The following PAX6 variants were observed in gnomAD, a reference collection of about 807,000 sequenced individuals.
PAX6 encodes paired box 6.
Under a neutral mutation model 60.7 loss-of-function variants are expected in PAX6, and 7 were observed. That is an observed-to-expected ratio of 0.12 (90% CI 0.07 to 0.22). The LOEUF is 0.22. Among genes scored for constraint, PAX6 ranks in the 10% least tolerant of loss-of-function variants. PAX6 has a pLI of 1.00. For missense variants in PAX6, 355 were observed against 555.2 expected (o/e 0.64, Z 3.62); for synonymous variants, 208 against 201.2 (o/e 1.03, Z -0.29).
At chr11:31,811,813 C>G (rs1414290341), upstream of PAX6, 1 of 152,598 alleles carries the variant, frequency 6.6e-6, no homozygotes, top group Non-Finnish European at 1.5e-5. Context: ...CCCACCTGGC[C>G]CCTTGGAAGA....
At chr11:31,813,888 C>A (rs1461702933), upstream of PAX6, among the ~76,000 whole-genome samples, 1 of 152,154 alleles carries the variant, frequency 6.6e-6, no homozygotes, top group Non-Finnish European at 1.5e-5. Flanking sequence ...GGGAGCCTCA[C>A]TCCCTCTGCC....
chr11:31,809,123 G>T (rs771321366), intron 2 of PAX6, among the ~76,000 whole-genome samples: 25 of 152,134 alleles, frequency 1.6e-4, no homozygotes, highest in Non-Finnish European at 2.6e-4. Context: ...AAAGGGGAGA[G>T]CTCTCGGTCC....
upstream of PAX6, among the ~76,000 whole-genome samples, chr11:31,813,297 TTC>T (rs1391174921): frequency 1.3e-4 from 19 of 149,382 alleles, no homozygotes; most frequent in African/African-American, 4.7e-4. Context: ...GGCTTTCTCT[TTC>T]TCTCTCCTTT....
intron 12 of PAX6, chr11:31,792,045 A>G (rs1163580882): frequency 6.6e-6 from 1 of 152,248 alleles, no homozygotes; most frequent in Non-Finnish European, 1.5e-5. Context: ...TTATTTTCTC[A>G]CATACACATT....
Position 31,800,701 on chromosome 11 carries a change from T to G in PAX6, c.555A>C (p.Gln185His). ...CTGCTTGGGTTTTACCTTGCGTAGG[T>G]TGCCCTGGCACCGAAGTCCCCGGAT... ...GWYPGTSVPG[Q>H]PTQDGCQQQE... The change falls in exon 8 of 14, where the codon CAA becomes CAC. Residue 185 changes from glutamine to histidine, a missense_variant. Around this residue, in one of 5 missense-constraint regions of PAX6, gnomAD observed 143 missense variants for 183.6 expected, o/e 0.78. Transcript: ENST00000640368. The G allele has an allele frequency of 4.3e-6, 7 of 1,614,052 alleles. No homozygotes were observed. Among genetic ancestry groups the G allele is most frequent in the Non-Finnish European group, 5.9e-6 (7 of 1,179,972 alleles).
At chr11:31,795,460 A>C (rs1951194015) in intron 8 of PAX6, among the ~76,000 whole-genome samples, 1 of 152,244 alleles carries the variant, frequency 6.6e-6, no homozygotes, top group Non-Finnish European at 1.5e-5. Flanking sequence ...TAATTGCTGA[A>C]AATGGAATTT....
At position 31,799,262 on chromosome 11, in the gene PAX6, G is replaced by C. The variant is rs568634185; in HGVS notation, c.565+1429C>G. On this transcript the variant is annotated intron_variant, in intron 8 of 13. Transcript: ENST00000640368. ...GCGGGCCTGGGGGCCCTCTGAGCTC[G>C]CGGAGGCGGCGGGTTCGGGGCCCGT... Among the ~76,000 whole-genome samples the C allele has an allele frequency of 3.9e-5, 6 of 152,142 alleles. No homozygotes were observed. The South Asian group carries it at 1.2e-3, about 32-fold the overall frequency.
intron 4 of PAX6, 115 bp downstream of exon 4, chr11:31,806,287 C>A: frequency 7.8e-7 from 1 of 1,277,286 alleles, no homozygotes; most frequent in South Asian, 1.3e-5. Context: ...GGTCCCCGGG[C>A]CTCAGTCGGT....
At chr11:31,816,884 C>T (rs1957407220) in intron 1 of PAX6, among the ~76,000 whole-genome samples, 2 of 152,252 alleles carry the variant, frequency 1.3e-5, no homozygotes, top group Admixed American at 6.5e-5. Flanking sequence ...TTGGGTGCCC[C>T]GCCTAAGCCG....
intron 4 of PAX6, 130 bp downstream of exon 4, chr11:31,806,272 C>T (rs1165757558): frequency 5.6e-6 from 6 of 1,062,556 alleles, no homozygotes; most frequent in East Asian, 2.9e-5. Flanking sequence ...GGAGCAGCCG[C>T]CGCAGGTCCC....
At chr11:31,802,185 GA>G (rs1954184295) in intron 5 of PAX6, 1 of 458,660 alleles carries the variant, frequency 2.2e-6, no homozygotes, top group African/African-American at 2.0e-5. Context: ...AAAATAAACT[GA>G]TTTTTTTACT....
intron 8 of PAX6, among the ~76,000 whole-genome samples, chr11:31,798,870 G>C (rs935711353): frequency 1.3e-5 from 2 of 152,182 alleles, no homozygotes; most frequent in East Asian, 3.9e-4. Context: ...TGCTGTCCTC[G>C]GCTTCTGCCC....
intron 1 of PAX6, among the ~76,000 whole-genome samples, chr11:31,816,935 G>A (rs868381090): frequency 6.6e-6 from 1 of 152,358 alleles, no homozygotes; most frequent in South Asian, 2.1e-4. Flanking sequence ...GGGCTCCCAG[G>A]ACTTTCGCCC....
At chr11:31,793,379 G>T in intron 12 of PAX6, 59 bp downstream of exon 12, 1 of 1,440,654 alleles carries the variant, frequency 6.9e-7, no homozygotes, top group Non-Finnish European at 9.8e-7. Flanking sequence ...CGCAGGCCCT[G>T]AGCCACTCCT....
At chr11:31,801,953 C>T (rs756028301) in intron 5 of PAX6, 41 bp from the exon 6 acceptor site, 1 of 1,512,338 alleles carries the variant, frequency 6.6e-7, no homozygotes, top group Non-Finnish European at 9.2e-7. Context: ...TGAGAACTTA[C>T]TGTAGAGAGC....
intron 4 of PAX6, chr11:31,803,407 C>G (rs1422809451): frequency 6.3e-6 from 1 of 158,154 alleles, no homozygotes; most frequent in African/African-American, 2.4e-5. Context: ...CCTTACAGCC[C>G]TTGAGTGCTC....
At chr11:31,794,440 A>AC (rs1950885979) in intron 9 of PAX6, 190 bp downstream of exon 9, 2 of 51,252 alleles carry the variant, frequency 3.9e-5, no homozygotes, top group Admixed American at 2.1e-4. Flanking sequence ...ACACACACAC[A>AC]CACACACACA....
rs1565203891 is a variant in PAX6, at chr11:31,794,403, AAACACACACACACAC to A, written c.724+212_724+226del. On this transcript the variant is annotated intron_variant, in intron 9 of 13. Transcript: ENST00000640368. ...TGAATTACTGGTAGATGAAAAGAAG[AAACACACACACACAC>A]ACCACACACACACACACACACACAC... 1.3e-5 allele frequency: 8 copies of A among 605,270 alleles called. No individual in the cohort carries two copies. In the African/African-American group the frequency reaches 1.5e-4, roughly 11 times the overall value. 37.5% of individuals were successfully genotyped at this position (605,270 alleles called of 1,614,324 possible). A position where few individuals can be genotyped will look rare whatever the true frequency, so the allele number is the denominator to read the frequency against.
intron 2 of PAX6, chr11:31,807,376 G>C (rs1388608813): frequency 6.6e-6 from 1 of 152,302 alleles, no homozygotes; most frequent in Admixed American, 6.6e-5. Flanking sequence ...GGGCTGCAGG[G>C]CCACACTCCC....
Sources: allele counts gnomAD v4.1 joint callset (sites outside exome capture counted in the v4.1 genomes callset), GRCh38; gene constraint gnomAD v4.1.1; regional missense constraint gnomAD v4.1.1; transcripts MANE v1.5; gene names NCBI Gene and HGNC (gene_info 2026-07-23, HGNC 2026-07-21).